PSD3: variants seen among roughly 807,000 people sequenced by gnomAD.
PSD3 encodes PH and SEC7 domain-containing protein 3.
PSD3 carries 49 observed loss-of-function variants against 105.5 expected under a neutral mutation model. The observed-to-expected ratio is 0.46, with a 90% CI of 0.37 to 0.59. The LOEUF is 0.59. Among genes scored for constraint, PSD3 ranks in the 20% least tolerant of loss-of-function variants. The pLI, the probability that PSD3 is intolerant of heterozygous loss-of-function variation, is 0.00. For missense variants in PSD3, 1,561 were observed against 1,263.8 expected (o/e 1.24, Z -3.57); for synonymous variants, 557 against 457.8 (o/e 1.22, Z -2.77).
chr8:18,587,741 T>C (rs1225297181), intron 12 of PSD3, among the ~76,000 whole-genome samples: 2 of 152,192 alleles, frequency 1.3e-5, no homozygotes, highest in Admixed American at 1.3e-4. Context: ...AATTTATCTG[T>C]TTTCCTCCTA....
intron 9 of PSD3, among the ~76,000 whole-genome samples, chr8:18,758,826 G>A (rs1806272270): frequency 6.6e-6 from 1 of 152,058 alleles, no homozygotes; most frequent in South Asian, 2.1e-4. Flanking sequence ...GACAAGATAG[G>A]TTAAAAACGG....
At chr8:18,857,195 C>T (rs995924396) in intron 4 of PSD3, among the ~76,000 whole-genome samples, 14 of 152,228 alleles carry the variant, frequency 9.2e-5, no homozygotes, top group Admixed American at 9.2e-4. Context: ...AGGCCCACAT[C>T]CCCCTGAGAA....
chr8:18,575,011 G>T, intron 13 of PSD3, 117 bp downstream of exon 13: 1 of 1,053,738 alleles, frequency 9.5e-7, no homozygotes, highest in Non-Finnish European at 1.3e-6. Flanking sequence ...GTAAGCAGTT[G>T]ATGACTTTGA....
At chr8:18,596,949 GA>G (rs1400360973) in intron 12 of PSD3, among the ~76,000 whole-genome samples, 2 of 152,076 alleles carry the variant, frequency 1.3e-5, no homozygotes, top group African/African-American at 4.8e-5. Context: ...GAAGAGGAGG[GA>G]ACACTTCCAA....
intron 4 of PSD3, among the ~76,000 whole-genome samples, chr8:18,845,417 G>A (rs1815002651): frequency 6.6e-6 from 1 of 152,158 alleles, no homozygotes; most frequent in Non-Finnish European, 1.5e-5. Context: ...GACATAAGCA[G>A]GGTGGCAACT....
intron 1 of PSD3, among the ~76,000 whole-genome samples, chr8:18,994,341 G>A (rs915912081): frequency 2.6e-5 from 4 of 151,844 alleles, no homozygotes; most frequent in Non-Finnish European, 5.9e-5. Flanking sequence ...TGTTTTTACG[G>A]TAGATTTTAA....
chr8:18,908,601 G>C (rs1157848934), intron 2 of PSD3, among the ~76,000 whole-genome samples: 1 of 152,156 alleles, frequency 6.6e-6, no homozygotes, highest in Non-Finnish European at 1.5e-5. Flanking sequence ...ATCTCAAACA[G>C]TCTGTCTCCT....
chr8:18,746,336 T>G (rs563524391), intron 9 of PSD3, among the ~76,000 whole-genome samples: 50 of 152,304 alleles, frequency 3.3e-4, no homozygotes, highest in African/African-American at 1.2e-3. Context: ...CTGCTGACCC[T>G]TGCTGAAAGC....
At chr8:18,973,939 T>C (rs1328542574) in intron 1 of PSD3, among the ~76,000 whole-genome samples, 2 of 152,232 alleles carry the variant, frequency 1.3e-5, no homozygotes, top group African/African-American at 4.8e-5. Context: ...AATGGAGGCC[T>C]GCTCTTGCAC....
intron 14 of PSD3, among the ~76,000 whole-genome samples, chr8:18,567,378 T>C (rs546637427): frequency 1.1e-4 from 17 of 152,324 alleles, no homozygotes; most frequent in African/African-American, 3.8e-4. Context: ...TTATGTTAAG[T>C]ATGCATATTT....
At chr8:18,656,321 G>A (rs975782278) in intron 9 of PSD3, among the ~76,000 whole-genome samples, 2 of 151,060 alleles carry the variant, frequency 1.3e-5, no homozygotes, top group South Asian at 2.1e-4. Context: ...GCCTCCCAAA[G>A]TGCTGGGATT....
At chr8:18,675,651 T>C (rs1486515836) in intron 9 of PSD3, among the ~76,000 whole-genome samples, 1 of 152,138 alleles carries the variant, frequency 6.6e-6, no homozygotes, top group Non-Finnish European at 1.5e-5. Context: ...GTGATCTACG[T>C]GTCCAAACAG....
intron 4 of PSD3, among the ~76,000 whole-genome samples, chr8:18,831,127 G>A (rs1813646772): frequency 7.3e-6 from 1 of 137,428 alleles, no homozygotes; most frequent in South Asian, 2.2e-4. Context: ...GGGTAGGAGT[G>A]CACCTAAGTG....
rs1802405597 is a variant in PSD3 at position 18,575,371 on chromosome 8, T to G, written c.2482-86A>C. On this transcript the variant is annotated intron_variant, in intron 12 of 15. Coordinates refer to ENST00000327040, the MANE Select transcript of PSD3 (RefSeq NM_015310.4). Reference sequence around the variant, plus strand: ...TTAAAAGCAAAAACTAAAAAAATAGTTTTTAGGAAATCCAAGTAAGTGAAT... The same window carrying G: ...TTAAAAGCAAAAACTAAAAAAATAGGTTTTAGGAAATCCAAGTAAGTGAAT... The G allele has an allele frequency of 8.4e-6, 11 of 1,303,032 alleles. No individual in the cohort carries two copies. The South Asian group carries it at 1.7e-4, about 20-fold the overall frequency. 80.7% of individuals were successfully genotyped at this position (1,303,032 alleles called of 1,614,324 possible).
At chr8:18,772,952 T>C (rs1807682455) in intron 8 of PSD3, among the ~76,000 whole-genome samples, 1 of 152,222 alleles carries the variant, frequency 6.6e-6, no homozygotes, top group Non-Finnish European at 1.5e-5. Context: ...AGGTATATGA[T>C]TTGTAAATAT....
chr8:18,586,536 T>C (rs565425281), intron 12 of PSD3, among the ~76,000 whole-genome samples: 2 of 152,234 alleles, frequency 1.3e-5, no homozygotes, highest in Admixed American at 1.3e-4. Context: ...AGATTGTTAT[T>C]CCAGTGGGTG....
chr8:18,783,244 A>G (rs1399251563), intron 8 of PSD3, among the ~76,000 whole-genome samples: 1 of 152,132 alleles, frequency 6.6e-6, no homozygotes, highest in East Asian at 1.9e-4. Flanking sequence ...TGTTCATTTC[A>G]TCTAGGTTAT....
intron 1 of PSD3, among the ~76,000 whole-genome samples, chr8:19,058,552 C>T (rs1828785195): frequency 6.6e-6 from 1 of 151,188 alleles, no homozygotes; most frequent in African/African-American, 2.4e-5. Flanking sequence ...TACATACACA[C>T]ACACAGACAC....
intron 2 of PSD3, among the ~76,000 whole-genome samples, chr8:18,904,467 C>T (rs577111407): frequency 2.0e-5 from 3 of 152,230 alleles, no homozygotes; most frequent in African/African-American, 7.2e-5. Flanking sequence ...CAAGACATGG[C>T]GTCAAGGACT....
Sources: allele counts gnomAD v4.1 joint callset (sites outside exome capture counted in the v4.1 genomes callset), GRCh38; gene constraint gnomAD v4.1.1; transcripts MANE v1.5; gene names NCBI Gene and HGNC (gene_info 2026-07-23, HGNC 2026-07-21).